Variants in PLSCR4 observed in about 807,000 individuals in gnomAD.
The protein encoded by PLSCR4 is phospholipid scramblase 4, also known as Ca(2+)-dependent phospholipid scramblase 4.
A neutral mutation model predicts 36.3 loss-of-function variants in PLSCR4; 25 were observed. That is an observed-to-expected ratio of 0.69 (90% CI 0.50 to 0.96). The LOEUF (loss-of-function observed/expected upper bound fraction) is 0.96. Ranked by LOEUF, PLSCR4 falls within the 40% of genes least tolerant of loss-of-function variation. The probability of loss-of-function intolerance (pLI) is 0.00; values close to 1 mark genes in which losing one functional copy is unlikely to be tolerated. For missense variants in PLSCR4, 408 were observed against 414.7 expected (o/e 0.98, Z 0.14); for synonymous variants, 122 against 132.9 (o/e 0.92, Z 0.56).
At chr3:146,194,522 C>A (rs2033608087) in intron 8 of PLSCR4, 67 bp from the exon 9 acceptor site, 2 of 956,660 alleles carry the variant, frequency 2.1e-6, no homozygotes, top group South Asian at 2.9e-5. Context: ...CGGTATTATC[C>A]TTTGTAATTT....
intron 1 of PLSCR4, among the ~76,000 whole-genome samples, chr3:146,229,262 G>C (rs530271543): frequency 6.6e-6 from 1 of 152,140 alleles, no homozygotes; most frequent in South Asian, 2.1e-4. Context: ...TAGGGAGGCC[G>C]ATCATGCCAG....
chr3:146,241,811 T>G (rs2036161024), intron 1 of PLSCR4, among the ~76,000 whole-genome samples: 1 of 152,190 alleles, frequency 6.6e-6, no homozygotes, highest in South Asian at 2.1e-4. Flanking sequence ...ATAATACAGC[T>G]TGTTCTCCGA....
In PLSCR4 at chr3:146,207,083, T is replaced by C. The variant is rs190212772; in HGVS notation, c.119-322A>G. On this transcript the variant is annotated intron_variant, in intron 3 of 8. Transcript: ENST00000354952. ...AGGTTCCTCCTTGGAGATAATAAAC[T>C]TACCTAATGAGGTTGTAGTGGGATT... Among the ~76,000 whole-genome samples, 20 of 152,250 alleles carry C rather than the reference T, an allele frequency of 1.3e-4. No individual in the cohort carries two copies. The East Asian group carries it at 3.9e-3, about 29-fold the overall frequency.
intron 4 of PLSCR4, among the ~76,000 whole-genome samples, chr3:146,204,156 A>C (rs1467021772): frequency 6.6e-6 from 1 of 152,004 alleles, no homozygotes; most frequent in Non-Finnish European, 1.5e-5. Flanking sequence ...ACAAATTGGT[A>C]AAGTCACTGG....
At position 146,200,054 on chromosome 3, in the gene PLSCR4, G is replaced by T; in HGVS notation, c.398-15C>A. ...ACATGTCATCACTAAAAAATAAAATGAGTAAGTCTATATTAGAAACATTTA... is the reference window on the plus strand; with the variant it reads ...ACATGTCATCACTAAAAAATAAAATTAGTAAGTCTATATTAGAAACATTTA... On this transcript the variant is annotated splice_polypyrimidine_tract_variant and intron_variant, in intron 5 of 8. Transcript: ENST00000354952. 7.1e-7 allele frequency: 1 copy of T among 1,407,774 alleles called. No individual in the cohort carries two copies. Among genetic ancestry groups the T allele is most frequent in the South Asian group, 1.2e-5 (1 of 85,338 alleles). The allele number at this position is 1,407,774 out of a possible 1,614,324, so 87.2% of individuals were successfully genotyped here.
chr3:146,203,071 C>T (rs948907486), intron 4 of PLSCR4, among the ~76,000 whole-genome samples: 3 of 151,962 alleles, frequency 2.0e-5, no homozygotes, highest in Admixed American at 1.3e-4. Context: ...ATATTTTGAC[C>T]TCTTCCCATG....
chr3:146,238,642 T>C (rs1161004828), intron 1 of PLSCR4, among the ~76,000 whole-genome samples: 1 of 152,110 alleles, frequency 6.6e-6, no homozygotes, highest in African/African-American at 2.4e-5. Flanking sequence ...TATAGAACTT[T>C]CTTGATCTCG....
chr3:146,195,186 G>C lies in PLSCR4; in HGVS notation c.883C>G (p.His295Asp), dbSNP rs138186262. The C allele has an allele frequency of 1.4e-5, 23 of 1,613,790 alleles. No individual in the cohort carries two copies. The African/African-American group carries it at 2.9e-4, about 21-fold the overall frequency. Residue 295 changes from histidine to aspartate, a missense_variant, in exon 8 of 9, where the codon CAC (histidine) becomes GAC (aspartate). By Grantham distance (81) the His-to-Asp change is moderately conservative (BLOSUM62 -1). Transcript: ENST00000354952. ...TTCACATCCAGGTCTAGTGGGAAGTGAATGTCAAAATGGTCAGCATCTGCC... is the reference window on the plus strand; with the variant it reads ...TTCACATCCAGGTCTAGTGGGAAGTCAATGTCAAAATGGTCAGCATCTGCC... ...AMADADHFDI[H>D]FPLDLDVKMK...
intron 1 of PLSCR4, among the ~76,000 whole-genome samples, chr3:146,245,381 T>C (rs183083467): frequency 6.6e-6 from 1 of 152,240 alleles, no homozygotes; most frequent in African/African-American, 2.4e-5. Context: ...AAATCTCATT[T>C]GTAAACCCAA....
chr3:146,217,758 C>G (rs556124844), intron 3 of PLSCR4, among the ~76,000 whole-genome samples: 54 of 152,254 alleles, frequency 3.5e-4, no homozygotes, highest in Middle Eastern at 6.8e-3. Context: ...AGCAAGATAA[C>G]AAAGTTGGGC....
At chr3:146,202,127 T>C (rs1229313235) in intron 4 of PLSCR4, among the ~76,000 whole-genome samples, 1 of 152,046 alleles carries the variant, frequency 6.6e-6, no homozygotes, top group East Asian at 1.9e-4. Flanking sequence ...AAAACCTTTT[T>C]CTTACATAAA....
chr3:146,250,249 T>C (rs1435811181), intron 1 of PLSCR4, among the ~76,000 whole-genome samples: 1 of 152,192 alleles, frequency 6.6e-6, no homozygotes. Context: ...GAATGCAATT[T>C]AAATTAGGCA....
intron 1 of PLSCR4, among the ~76,000 whole-genome samples, chr3:146,241,726 C>T (rs556502261): frequency 1.3e-5 from 2 of 152,232 alleles, no homozygotes; most frequent in East Asian, 1.9e-4. Flanking sequence ...TTATTTTCAA[C>T]GTACGGAACA....
intron 1 of PLSCR4, among the ~76,000 whole-genome samples, chr3:146,235,889 G>A (rs1262683157): frequency 1.3e-5 from 2 of 152,138 alleles, no homozygotes; most frequent in Non-Finnish European, 2.9e-5. Flanking sequence ...CTAGAGATCT[G>A]TGAGACTTTG....
chr3:146,235,726 T>G lies in PLSCR4; in HGVS notation c.-21-13634A>C, dbSNP rs777668206. Among the ~76,000 whole-genome samples the G allele has an allele frequency of 2.6e-5, 4 of 152,188 alleles. No individual in the cohort carries two copies. In the East Asian group the frequency reaches 7.7e-4, roughly 29 times the overall value. On this transcript the variant is annotated intron_variant, in intron 1 of 8. Coordinates refer to ENST00000354952, the MANE Select transcript of PLSCR4 (RefSeq NM_020353.3). ...AATATTGAAACTTCCTAGAGACTTG[T>G]TAAATTGTTGTGACCAAATTGTTGA...
chr3:146,224,469 C>A (rs9870547), intron 1 of PLSCR4, among the ~76,000 whole-genome samples: 1 of 149,682 alleles, frequency 6.7e-6, no homozygotes, highest in African/African-American at 2.5e-5. Context: ...CTTAAGGTGG[C>A]GCATCTGGAG....
intron 3 of PLSCR4, among the ~76,000 whole-genome samples, chr3:146,218,501 T>C (rs2034993204): frequency 6.6e-6 from 1 of 151,584 alleles, no homozygotes; most frequent in South Asian, 2.1e-4. Flanking sequence ...ATTAAATTTA[T>C]ATTTATTTTA....
chr3:146,224,541 C>T (rs1452638216), intron 1 of PLSCR4, among the ~76,000 whole-genome samples: 2 of 148,870 alleles, frequency 1.3e-5, no homozygotes, highest in Admixed American at 1.3e-4. Flanking sequence ...TTCGTGGTCT[C>T]GCTGGCTCAG....
chr3:146,247,765 G>C (rs531357218), intron 1 of PLSCR4, among the ~76,000 whole-genome samples: 96 of 152,148 alleles, frequency 6.3e-4, no homozygotes, highest in African/African-American at 2.2e-3. Context: ...TGGCACTACA[G>C]GTGGGTGCCA....
Sources: gnomAD v4.1 joint callset for allele counts (sites outside exome capture counted in the v4.1 genomes callset) on GRCh38, gnomAD v4.1.1 for gene constraint, MANE v1.5 for transcripts, NCBI Gene and HGNC (gene_info 2026-07-23, HGNC 2026-07-21) for gene names.